Variants in RBFOX1 observed in about 807,000 individuals in gnomAD.
RBFOX1 encodes RNA binding protein fox-1 homolog 1.
In RBFOX1, 8 loss-of-function variants were observed where a neutral mutation model predicts 57.7. That is an observed-to-expected ratio of 0.14 (90% CI 0.08 to 0.25). The LOEUF (loss-of-function observed/expected upper bound fraction) is 0.25. Ranked by LOEUF, RBFOX1 falls within the 10% of genes least tolerant of loss-of-function variation. The pLI, the probability that RBFOX1 is intolerant of heterozygous loss-of-function variation, is 1.00. For missense variants in RBFOX1, 611 were observed against 548.5 expected (o/e 1.11, Z -1.14); for synonymous variants, 326 against 222.4 (o/e 1.47, Z -4.15).
chr16:6,425,652 C>G (rs934268144), intron 2 of RBFOX1, among the ~76,000 whole-genome samples: 2 of 151,900 alleles, frequency 1.3e-5, no homozygotes, highest in African/African-American at 4.8e-5. Context: ...GTTTGATGGA[C>G]TTTGTAGGCA....
chr16:7,543,145 C>G (rs1358155562), intron 5 of RBFOX1, among the ~76,000 whole-genome samples: 3 of 152,242 alleles, frequency 2.0e-5, no homozygotes, highest in African/African-American at 7.2e-5. Flanking sequence ...ATTTAAATCA[C>G]TCAGGGTTGG....
chr16:6,204,264 T>C (rs2097238118), intron 1 of RBFOX1, among the ~76,000 whole-genome samples: 1 of 151,964 alleles, frequency 6.6e-6, no homozygotes, highest in Admixed American at 6.6e-5. Context: ...GTGGGGAAAA[T>C]GGGAATACAA....
chr16:6,465,310 C>T (rs770313527), intron 2 of RBFOX1, among the ~76,000 whole-genome samples: 2 of 152,118 alleles, frequency 1.3e-5, no homozygotes, highest in Non-Finnish European at 2.9e-5. Flanking sequence ...AGAAGGAGGG[C>T]ACTCTCCGTG....
At chr16:6,806,442 T>G (rs1002831234) in intron 3 of RBFOX1, among the ~76,000 whole-genome samples, 1 of 152,116 alleles carries the variant, frequency 6.6e-6, no homozygotes, top group Non-Finnish European at 1.5e-5. Context: ...ATATGCTAAC[T>G]AGAGCTAACA....
chr16:6,555,969 A>C (rs779702443), intron 2 of RBFOX1, among the ~76,000 whole-genome samples: 4 of 152,164 alleles, frequency 2.6e-5, no homozygotes, highest in Non-Finnish European at 5.9e-5. Context: ...TATTGGATGA[A>C]AGGGGTTCTT....
At chr16:5,769,802 G>C (rs2053917138) in intron 3 of RBFOX1, among the ~76,000 whole-genome samples, 1 of 152,170 alleles carries the variant, frequency 6.6e-6, no homozygotes, top group South Asian at 2.1e-4. Flanking sequence ...TCAATACCTT[G>C]ATTTTGGACT....
At chr16:5,571,378 G>A (rs996257110) in intron 2 of RBFOX1, among the ~76,000 whole-genome samples, 6 of 151,612 alleles carry the variant, frequency 4.0e-5, no homozygotes, top group Non-Finnish European at 7.4e-5. Context: ...ACACCACCAC[G>A]CCCAGCTGTT....
At chr16:5,616,342 A>AGGG (rs2048024227) in intron 3 of RBFOX1, 1 of 152,274 alleles carries the variant, frequency 6.6e-6, no homozygotes, top group Middle Eastern at 3.4e-3. Flanking sequence ...CGCCCCTGGG[A>AGGG]GGGAGCTCAT....
chr16:7,303,490 G>T (rs901210659), intron 4 of RBFOX1, among the ~76,000 whole-genome samples: 2 of 152,238 alleles, frequency 1.3e-5, no homozygotes, highest in Non-Finnish European at 1.5e-5. Context: ...CCGGGCGCGC[G>T]GGGCGCTCGC....
At chr16:7,198,569 C>T (rs962998680) in intron 4 of RBFOX1, among the ~76,000 whole-genome samples, 2 of 152,144 alleles carry the variant, frequency 1.3e-5, no homozygotes, top group Non-Finnish European at 2.9e-5. Context: ...GTATTTGGCT[C>T]ATGGGTTTGG....
intron 2 of RBFOX1, among the ~76,000 whole-genome samples, chr16:6,571,362 T>G (rs534826530): frequency 6.6e-6 from 1 of 152,230 alleles, no homozygotes; most frequent in Non-Finnish European, 1.5e-5. Flanking sequence ...AAGGGCACAT[T>G]TGAAACCTAG....
intron 3 of RBFOX1, among the ~76,000 whole-genome samples, chr16:6,769,705 A>C (rs1018535732): frequency 6.6e-6 from 1 of 152,168 alleles, no homozygotes; most frequent in Non-Finnish European, 1.5e-5. Flanking sequence ...GATGTAGGAT[A>C]AGCTTCTGTG....
chr16:5,592,871 G>T (rs1387787729), intron 2 of RBFOX1, among the ~76,000 whole-genome samples: 2 of 152,104 alleles, frequency 1.3e-5, no homozygotes, highest in South Asian at 4.1e-4. Context: ...GGGTTCCGTG[G>T]GCCCTGGCAG....
At chr16:5,433,522 G>A (rs1597047719) in intron 1 of RBFOX1, among the ~76,000 whole-genome samples, 1 of 152,170 alleles carries the variant, frequency 6.6e-6, no homozygotes, top group African/African-American at 2.4e-5. Flanking sequence ...TTGACCTCCA[G>A]TCTCTTGCAA....
intron 3 of RBFOX1, among the ~76,000 whole-genome samples, chr16:5,717,350 A>G (rs545283855): frequency 6.7e-6 from 1 of 149,754 alleles, no homozygotes; most frequent in East Asian, 1.9e-4. Flanking sequence ...ATACAGATTT[A>G]AAAAAAAATG....
chr16:5,511,556 C>T (rs2043593977), intron 2 of RBFOX1, among the ~76,000 whole-genome samples: 1 of 152,182 alleles, frequency 6.6e-6, no homozygotes, highest in Non-Finnish European at 1.5e-5. Context: ...CTTCTTTCTC[C>T]CTCCTCCTAG....
intron 10 of RBFOX1, among the ~76,000 whole-genome samples, chr16:7,628,157 TAC>T (rs1227789088): frequency 2.6e-5 from 4 of 152,204 alleles, no homozygotes; most frequent in African/African-American, 7.2e-5. Flanking sequence ...ATGTTTGTGT[TAC>T]AGTTATACAT....
intron 3 of RBFOX1, among the ~76,000 whole-genome samples, chr16:5,761,903 C>T (rs1445516424): frequency 6.6e-6 from 1 of 152,084 alleles, no homozygotes; most frequent in Non-Finnish European, 1.5e-5. Context: ...CTTCCCCTGA[C>T]CCCTATCAAA....
chr16:6,834,545 C>T (rs995270891), intron 3 of RBFOX1, among the ~76,000 whole-genome samples: 1 of 151,982 alleles, frequency 6.6e-6, no homozygotes, highest in Admixed American at 6.6e-5. Context: ...AATTAATTAA[C>T]AGGAGATATC....
Sources: gnomAD v4.1 joint callset for allele counts (sites outside exome capture counted in the v4.1 genomes callset) on GRCh38, gnomAD v4.1.1 for gene constraint, MANE v1.5 for transcripts, NCBI Gene and HGNC (gene_info 2026-07-23, HGNC 2026-07-21) for gene names.